AGTPBP1: variants seen among roughly 807,000 people sequenced by gnomAD.
The protein encoded by AGTPBP1 is ATP/GTP binding carboxypeptidase 1.
Under a neutral mutation model 143.9 loss-of-function variants are expected in AGTPBP1, and 70 were observed. The ratio of observed to expected loss-of-function variants is 0.49; its 90% CI spans 0.40 to 0.59. The LOEUF (loss-of-function observed/expected upper bound fraction) is 0.59. Ranked by LOEUF, AGTPBP1 falls within the 20% of genes least tolerant of loss-of-function variation. The pLI, the probability that AGTPBP1 is intolerant of heterozygous loss-of-function variation, is 0.00. For synonymous variants in AGTPBP1, 463 were observed against 500.2 expected, an observed-to-expected ratio of 0.93 and a Z score of 0.99; for missense variants, 1,229 against 1,464.5, an observed-to-expected ratio of 0.84 and a Z score of 2.62.
intron 17 of AGTPBP1, among the ~76,000 whole-genome samples, chr9:85,617,165 T>C (rs73475799): frequency 0.041 from 6,257 of 152,242 alleles, 448 homozygotes; most frequent in African/African-American, 0.14. Flanking sequence ...TTGAAAGCTT[T>C]AATTTTCAGA....
At chr9:85,606,271 T>C (rs188916640) in intron 17 of AGTPBP1, among the ~76,000 whole-genome samples, 1 of 151,470 alleles carries the variant, frequency 6.6e-6, no homozygotes, top group Admixed American at 6.6e-5. Flanking sequence ...AAAAAGAAGA[T>C]ATACAAATGG....
rs1362551024 is a variant in AGTPBP1, at chr9:85,741,318, G to A, written c.-34+457C>T. The stretch of plus-strand genomic sequence containing the variant: ...AACGCTAGAATTCTCGAAGCACAGG[G>A]GCCCGCGATTCAGCGGCCCGCTACC... On this transcript the variant is annotated intron_variant, in intron 1 of 25. Coordinates refer to ENST00000357081, the MANE Select transcript of AGTPBP1 (RefSeq NM_001330701.2). 4 of 985,296 alleles carry A rather than the reference G, an allele frequency of 4.1e-6. No individual in the cohort carries two copies. The East Asian group carries it at 3.4e-4, about 84-fold the overall frequency. 61.0% of individuals were successfully genotyped at this position (985,296 alleles called of 1,614,324 possible).
chr9:85,586,505 G>A (rs1828618973), intron 22 of AGTPBP1, among the ~76,000 whole-genome samples: 1 of 152,122 alleles, frequency 6.6e-6, no homozygotes, highest in Non-Finnish European at 1.5e-5. Context: ...CCTGTGTGTA[G>A]TAGAGACTTA....
chr9:85,779,101 G>A, the AGTPBP1 span, among the ~76,000 whole-genome samples: 1 of 151,780 alleles, frequency 6.6e-6, no homozygotes, highest in East Asian at 1.9e-4. Context: ...TTAATATTCT[G>A]TTCCTTTAGA....
At chr9:85,786,177 T>C in the AGTPBP1 span, 18 of 1,602,920 alleles carry the variant, frequency 1.1e-5, no homozygotes, top group East Asian at 1.3e-4. Context: ...CATCCAGACC[T>C]GAAAGTATGA....
chr9:85,779,927 C>A, the AGTPBP1 span, among the ~76,000 whole-genome samples: 8,253 of 152,134 alleles, frequency 0.054, 729 homozygotes, highest in African/African-American at 0.18. Context: ...ACAATTCATG[C>A]ATTTTCTAAT....
intron 17 of AGTPBP1, among the ~76,000 whole-genome samples, chr9:85,607,552 TG>T (rs2133390083): frequency 6.6e-6 from 1 of 152,232 alleles, no homozygotes; most frequent in South Asian, 2.1e-4. Context: ...TAAACCTTCA[TG>T]TATGTAAAAC....
chr9:85,600,620 G>A (rs1027770036), intron 17 of AGTPBP1, among the ~76,000 whole-genome samples: 2 of 152,096 alleles, frequency 1.3e-5, no homozygotes, highest in Non-Finnish European at 2.9e-5. Flanking sequence ...GTCCACATCC[G>A]CACTACAGAC....
At chr9:85,589,271 A>G (rs1828802878) in intron 20 of AGTPBP1, among the ~76,000 whole-genome samples, 1 of 150,794 alleles carries the variant, frequency 6.6e-6, no homozygotes, top group South Asian at 2.2e-4. Flanking sequence ...TTTGAATACA[A>G]TTTCTAAGGA....
chr9:85,623,073 C>A (rs1831043983), intron 14 of AGTPBP1, among the ~76,000 whole-genome samples: 1 of 152,114 alleles, frequency 6.6e-6, no homozygotes, highest in Admixed American at 6.5e-5. Flanking sequence ...AGAGCTCGGG[C>A]CCGACAGGGG....
At chr9:85,600,060 T>C (rs1333056238) in intron 17 of AGTPBP1, among the ~76,000 whole-genome samples, 1 of 152,144 alleles carries the variant, frequency 6.6e-6, no homozygotes, top group African/African-American at 2.4e-5. Context: ...AAATATCACA[T>C]GTGTTAGCAC....
chr9:85,651,145 T>C (rs140739647), intron 11 of AGTPBP1, among the ~76,000 whole-genome samples: 2 of 152,286 alleles, frequency 1.3e-5, no homozygotes, highest in Non-Finnish European at 2.9e-5. Context: ...TGTCCTTGCT[T>C]AGCCTTTAGT....
At chr9:85,701,515 C>A (rs968556946) in intron 2 of AGTPBP1, among the ~76,000 whole-genome samples, 1 of 152,176 alleles carries the variant, frequency 6.6e-6, no homozygotes, top group South Asian at 2.1e-4. Context: ...CAGGCATGAG[C>A]CACTGCACCC....
chr9:85,763,847 T>G, the AGTPBP1 span, among the ~76,000 whole-genome samples: 1 of 152,186 alleles, frequency 6.6e-6, no homozygotes, highest in Non-Finnish European at 1.5e-5. Flanking sequence ...AACCTTATGA[T>G]AGTATGTGTC....
intron 17 of AGTPBP1, among the ~76,000 whole-genome samples, chr9:85,597,272 T>C (rs967190733): frequency 4.6e-5 from 7 of 152,030 alleles, no homozygotes; most frequent in Admixed American, 3.9e-4. Flanking sequence ...AATATTCACA[T>C]TATCAAATAA....
chr9:85,734,773 T>C (rs897378890), intron 1 of AGTPBP1, among the ~76,000 whole-genome samples: 1 of 152,092 alleles, frequency 6.6e-6, no homozygotes, highest in Non-Finnish European at 1.5e-5. Context: ...TCAAAAGAAC[T>C]GAAAGCAAGG....
chr9:85,602,068 T>A (rs1334584925), intron 17 of AGTPBP1, among the ~76,000 whole-genome samples: 2 of 151,838 alleles, frequency 1.3e-5, no homozygotes, highest in African/African-American at 4.8e-5. Flanking sequence ...AATAATAACA[T>A]AAGGACACAA....
the AGTPBP1 span, among the ~76,000 whole-genome samples, chr9:85,779,229 AG>A: frequency 4.2e-5 from 5 of 118,846 alleles, no homozygotes; most frequent in Admixed American, 2.4e-4. Flanking sequence ...ATATAGATAT[AG>A]ATATAGATAT....
At chr9:85,719,661 T>C (rs999423543) in intron 1 of AGTPBP1, among the ~76,000 whole-genome samples, 2 of 152,212 alleles carry the variant, frequency 1.3e-5, no homozygotes, top group Non-Finnish European at 2.9e-5. Context: ...TTTCTTTCTC[T>C]TGCCTGATTG....
Sources: allele counts gnomAD v4.1 joint callset (sites outside exome capture counted in the v4.1 genomes callset), GRCh38; gene constraint gnomAD v4.1.1; transcripts MANE v1.5; gene names NCBI Gene and HGNC (gene_info 2026-07-23, HGNC 2026-07-21).